ZNF454: variants seen among roughly 807,000 people sequenced by gnomAD.
ZNF454 encodes the protein zinc finger protein 454.
Under a neutral mutation model 48.2 loss-of-function variants are expected in ZNF454, and 30 were observed. The ratio of observed to expected loss-of-function variants is 0.62; its 90% CI spans 0.47 to 0.84. The LOEUF (loss-of-function observed/expected upper bound fraction) is 0.84, where lower values mean the gene tolerates loss of function less well. Ranked by LOEUF, ZNF454 falls within the 40% of genes least tolerant of loss-of-function variation. The pLI, the probability that ZNF454 is intolerant of heterozygous loss-of-function variation, is 0.00. For synonymous variants in ZNF454, 204 were observed against 211.4 expected, an observed-to-expected ratio of 0.97 and a Z score of 0.30; for missense variants, 510 against 623.1, an observed-to-expected ratio of 0.82 and a Z score of 1.93.
the ZNF454 span, chr5:178,986,345 T>C: frequency 6.2e-7 from 1 of 1,614,104 alleles, no homozygotes; most frequent in Middle Eastern, 1.6e-4. Flanking sequence ...AGGAAGGTGA[T>C]GGCGTAGATG....
At chr5:178,982,618 T>A in the ZNF454 span, among the ~76,000 whole-genome samples, 4 of 104,296 alleles carry the variant, frequency 3.8e-5, no homozygotes, top group East Asian at 2.7e-4. Context: ...TATGAAGAAC[T>A]TGAATTAAAA....
chr5:178,950,691 T>C (rs1440717562), intron 4 of ZNF454, among the ~76,000 whole-genome samples: 1 of 152,224 alleles, frequency 6.6e-6, no homozygotes, highest in Non-Finnish European at 1.5e-5. Flanking sequence ...ACATCGATTG[T>C]ACATTTTATT....
chr5:178,981,555 G>T, the ZNF454 span: 2 of 907,018 alleles, frequency 2.2e-6, no homozygotes, highest in Non-Finnish European at 1.7e-6. The surrounding 1 kb of genome is among the most constrained non-coding windows in gnomAD (Gnocchi z 5.1). Context: ...CAAACTCCCT[G>T]CCACTGACTG....
chr5:178,958,904 T>C (rs1247132210), intron 4 of ZNF454, among the ~76,000 whole-genome samples: 2 of 152,230 alleles, frequency 1.3e-5, no homozygotes, highest in Non-Finnish European at 2.9e-5. Flanking sequence ...TAGGGCTGTA[T>C]ATTTGAAATG....
chr5:178,968,773 G>C (rs1378284124), downstream of ZNF454: 2 of 456,706 alleles, frequency 4.4e-6, no homozygotes, highest in South Asian at 3.1e-5. Context: ...TTGGTTGGTG[G>C]TTTTGTCTAT....
chr5:178,976,647 G>C, the ZNF454 span, among the ~76,000 whole-genome samples: 1 of 152,222 alleles, frequency 6.6e-6, no homozygotes, highest in African/African-American at 2.4e-5. Context: ...CTGGCTTTTA[G>C]TGACTGTGGG....
chr5:178,964,761 CTGG>C lies in ZNF454; in HGVS notation c.358_360del (p.Trp120del). The C allele has an allele frequency of 6.2e-7, 1 of 1,614,186 alleles. No individual in the cohort carries two copies. On this transcript the variant is annotated inframe_deletion, in exon 5 of 5. Transcript: ENST00000519564. ...AGGAAAGATTCAGTAGCAGTAGTCA[CTGG>C]AAGTGTGCTAGCCTGCTGGAGTGGC...
At chr5:178,942,899 G>A (rs939027424) in intron 2 of ZNF454, 75 bp downstream of exon 2, 17 of 1,534,938 alleles carry the variant, frequency 1.1e-5, no homozygotes. Flanking sequence ...CTCAGACCGG[G>A]AGCTTTATTC....
chr5:178,942,637 G>T, intron 1 of ZNF454, 48 bp from the exon 2 acceptor site: 1 of 726,322 alleles, frequency 1.4e-6, no homozygotes, highest in Non-Finnish European at 2.3e-6. Context: ...TCACTGCCTC[G>T]CTCTGGACTG....
At chr5:178,948,200 C>T (rs540896920) in intron 4 of ZNF454, 15 of 152,266 alleles carry the variant, frequency 9.9e-5, no homozygotes, top group Middle Eastern at 3.4e-3. Context: ...CAGGCGTGAG[C>T]CACCTCATGT....
At chr5:178,958,584 A>G (rs10070619) in intron 4 of ZNF454, among the ~76,000 whole-genome samples, 31,533 of 152,206 alleles carry the variant, frequency 0.21, 3,476 homozygotes, top group African/African-American at 0.25. Flanking sequence ...ACATAGGTAC[A>G]CATTTTCCTT....
intron 4 of ZNF454, among the ~76,000 whole-genome samples, chr5:178,950,197 G>T (rs977299397): frequency 2.0e-5 from 3 of 152,192 alleles, no homozygotes; most frequent in Non-Finnish European, 4.4e-5. Flanking sequence ...ATCATAATAT[G>T]AAAAAGTCCT....
intron 4 of ZNF454, among the ~76,000 whole-genome samples, chr5:178,949,076 G>A (rs1406642279): frequency 1.3e-5 from 2 of 151,848 alleles, no homozygotes; most frequent in African/African-American, 4.8e-5. Context: ...TTGAGTTGGA[G>A]TCTCACTCTG....
At chr5:178,986,056 C>T in the ZNF454 span, 1 of 1,399,950 alleles carries the variant, frequency 7.1e-7, no homozygotes, top group Non-Finnish European at 9.8e-7. Context: ...GCCACTGTGC[C>T]TGGCCCTTTT....
downstream of ZNF454, among the ~76,000 whole-genome samples, chr5:178,967,825 C>G (rs1436676957): frequency 2.7e-5 from 4 of 147,490 alleles, no homozygotes; most frequent in South Asian, 8.7e-4. Context: ...CTGTAACTTC[C>G]ACCTCCTGGG....
chr5:178,978,918 A>G, the ZNF454 span: 1 of 152,124 alleles, frequency 6.6e-6, no homozygotes, highest in African/African-American at 2.4e-5. Context: ...AAAACAGGAA[A>G]ATCTTTAGGG....
At chr5:178,983,442 T>C in the ZNF454 span, 2 of 696,950 alleles carry the variant, frequency 2.9e-6, no homozygotes, top group Non-Finnish European at 5.2e-6. Flanking sequence ...GCCCGTGACC[T>C]GGCAGCTGCG....
intron 4 of ZNF454, among the ~76,000 whole-genome samples, chr5:178,951,794 T>C (rs2113217406): frequency 6.6e-6 from 1 of 152,326 alleles, no homozygotes; most frequent in East Asian, 1.9e-4. Flanking sequence ...CGTGTATTCA[T>C]AGATGTAGAG....
chr5:178,983,363 A>G, the ZNF454 span: 1 of 772,344 alleles, frequency 1.3e-6, no homozygotes, highest in Non-Finnish European at 2.2e-6. Flanking sequence ...GGTGGCTCTC[A>G]GGAGCACTCA....
Sources: gnomAD v4.1 joint callset for allele counts (sites outside exome capture counted in the v4.1 genomes callset) on GRCh38, gnomAD v4.1.1 for gene constraint, Gnocchi (gnomAD v3.1) non-coding constraint, MANE v1.5 for transcripts, NCBI Gene and HGNC (gene_info 2026-07-23, HGNC 2026-07-21) for gene names.